Variants in MCPH1 observed in about 807,000 individuals in gnomAD.
MCPH1 encodes the protein microcephalin.
Under a neutral mutation model 84.5 loss-of-function variants are expected in MCPH1, and 104 were observed. The ratio of observed to expected loss-of-function variants is 1.23; its 90% CI spans 1.05 to 1.45. The LOEUF (loss-of-function observed/expected upper bound fraction) is 1.45, where lower values mean the gene tolerates loss of function less well. Ranked by LOEUF, MCPH1 falls within the 40% of genes most tolerant of loss-of-function variation. MCPH1 has a pLI of 0.00. For missense variants in MCPH1, 1,498 were observed against 1,005.7 expected (o/e 1.49, Z -6.62); for synonymous variants, 514 against 366.8 (o/e 1.40, Z -4.58).
chr8:6,637,468 G>T (rs1276204323), intron 13 of MCPH1, among the ~76,000 whole-genome samples: 1 of 152,158 alleles, frequency 6.6e-6, no homozygotes, highest in Non-Finnish European at 1.5e-5. Flanking sequence ...GAAATGAAGG[G>T]AGAGAAGACA....
At chr8:6,583,995 G>C (rs17077606) in intron 12 of MCPH1, among the ~76,000 whole-genome samples, 1 of 151,588 alleles carries the variant, frequency 6.6e-6, no homozygotes, top group Non-Finnish European at 1.5e-5. Context: ...ATTGTGCTTC[G>C]AAACTCCCAC....
At chr8:6,609,373 G>C (rs534393704) in intron 12 of MCPH1, among the ~76,000 whole-genome samples, 29 of 152,266 alleles carry the variant, frequency 1.9e-4, no homozygotes, top group Admixed American at 5.9e-4. Flanking sequence ...AAAACTATGA[G>C]GCATGAAATC....
intron 12 of MCPH1, among the ~76,000 whole-genome samples, chr8:6,520,907 C>T (rs1817210399): frequency 6.6e-6 from 1 of 152,126 alleles, no homozygotes; most frequent in Non-Finnish European, 1.5e-5. Context: ...AGTAATTTGC[C>T]CAGTCTCATC....
chr8:6,607,192 C>A (rs1375283815), intron 12 of MCPH1, among the ~76,000 whole-genome samples: 1 of 152,154 alleles, frequency 6.6e-6, no homozygotes. Flanking sequence ...TTGGGAGAGT[C>A]TTTCCCAATA....
At position 6,449,137 on chromosome 8, in the gene MCPH1, A is replaced by T. The variant is rs185089381; in HGVS notation, c.1825+3590A>T. ...CACTTTTGAAAATATCTTTTCACAC[A>T]GACAGATACTGCTGATTCGATGTCA... On this transcript the variant is annotated intron_variant, in intron 8 of 13. Coordinates refer to ENST00000344683, the MANE Select transcript of MCPH1 (RefSeq NM_024596.5). Among the ~76,000 whole-genome samples the T allele has an allele frequency of 5.1e-4, 78 of 152,352 alleles. 1 individual carries two copies. The South Asian group carries it at 6.6e-3, about 13-fold the overall frequency.
chr8:6,492,727 T>C (rs1810773941), intron 11 of MCPH1, among the ~76,000 whole-genome samples: 1 of 99,624 alleles, frequency 1.0e-5, no homozygotes, highest in Non-Finnish European at 2.4e-5. Flanking sequence ...TATTAAATTA[T>C]CAAATAAATA....
At chr8:6,579,748 C>G (rs559833808) in intron 12 of MCPH1, among the ~76,000 whole-genome samples, 1 of 152,220 alleles carries the variant, frequency 6.6e-6, no homozygotes, top group African/African-American at 2.4e-5. Flanking sequence ...CTTTACAGCC[C>G]CAAAGCACGT....
intron 12 of MCPH1, among the ~76,000 whole-genome samples, chr8:6,510,133 G>C (rs1814722350): frequency 6.6e-6 from 1 of 150,982 alleles, no homozygotes; most frequent in African/African-American, 2.4e-5. Flanking sequence ...GAAGGGAGAA[G>C]ACAATATTTT....
intron 12 of MCPH1, among the ~76,000 whole-genome samples, chr8:6,591,253 A>G (rs989297522): frequency 2.0e-5 from 3 of 152,224 alleles, no homozygotes; most frequent in African/African-American, 7.2e-5. Flanking sequence ...TGAGTAGTTA[A>G]AATCACTGTC....
intron 3 of MCPH1, among the ~76,000 whole-genome samples, chr8:6,428,793 T>C (rs1354747867): frequency 3.3e-5 from 5 of 152,252 alleles, no homozygotes; most frequent in African/African-American, 1.2e-4. Context: ...TTACAAGGCT[T>C]ATCATGAAAA....
chr8:6,521,556 T>C (rs1319021993), intron 12 of MCPH1: 1 of 636,212 alleles, frequency 1.6e-6, no homozygotes. Flanking sequence ...CTAAGGAATC[T>C]CTGAAACTTG....
chr8:6,598,153 C>T lies in MCPH1; in HGVS notation c.2215-23301C>T, dbSNP rs7819032. 2.0e-5 allele frequency among the ~76,000 whole-genome samples: 3 copies of T among 152,082 alleles called. No individual in the cohort carries two copies. The South Asian group carries it at 6.2e-4, about 32-fold the overall frequency. On this transcript the variant is annotated intron_variant, in intron 12 of 13. Transcript: ENST00000344683. Reference sequence around the variant, plus strand: ...GAGGCAGGAAGGAGGAAAGGGGATGCTTCTGGGAGGCAAAGGCGGTCAATC... The same window carrying T: ...GAGGCAGGAAGGAGGAAAGGGGATGTTTCTGGGAGGCAAAGGCGGTCAATC...
chr8:6,558,482 C>G (rs1178625696), intron 12 of MCPH1, among the ~76,000 whole-genome samples: 1 of 152,176 alleles, frequency 6.6e-6, no homozygotes, highest in East Asian at 1.9e-4. Flanking sequence ...CCAGACCATC[C>G]TGAGCATCTG....
chr8:6,467,766 T>G (rs900539539), intron 9 of MCPH1, among the ~76,000 whole-genome samples: 5 of 152,100 alleles, frequency 3.3e-5, no homozygotes, highest in Non-Finnish European at 5.9e-5. Flanking sequence ...TCAGCTAATT[T>G]TTTTTGTTTG....
intron 9 of MCPH1, among the ~76,000 whole-genome samples, chr8:6,467,568 T>A (rs1236508172): frequency 1.3e-5 from 2 of 152,174 alleles, no homozygotes; most frequent in African/African-American, 2.4e-5. Context: ...TGAAACAGTT[T>A]ACAGGGTTGA....
intron 8 of MCPH1, chr8:6,447,137 G>T: frequency 1.0e-6 from 1 of 985,426 alleles, no homozygotes. Flanking sequence ...GACATAAAAA[G>T]ACCTACATGT....
intron 2 of MCPH1, among the ~76,000 whole-genome samples, chr8:6,409,819 A>G (rs1033589175): frequency 1.3e-5 from 2 of 152,210 alleles, no homozygotes; most frequent in South Asian, 2.1e-4. Flanking sequence ...AGGTGTGGAC[A>G]TCGTCCCATG....
intron 12 of MCPH1, among the ~76,000 whole-genome samples, chr8:6,609,296 C>T (rs1005399546): frequency 4.6e-5 from 7 of 152,198 alleles, no homozygotes; most frequent in Non-Finnish European, 7.3e-5. Flanking sequence ...AGAGCATGAG[C>T]GTGTGCCCAC....
chr8:6,457,926 G>T (rs1805874351), intron 9 of MCPH1, among the ~76,000 whole-genome samples: 1 of 152,090 alleles, frequency 6.6e-6, no homozygotes, highest in African/African-American at 2.4e-5. Context: ...CTGGGGATCT[G>T]TAAGGTTTGT....
Sources: gnomAD v4.1 joint callset for allele counts (sites outside exome capture counted in the v4.1 genomes callset) on GRCh38, gnomAD v4.1.1 for gene constraint, MANE v1.5 for transcripts, NCBI Gene and HGNC (gene_info 2026-07-23, HGNC 2026-07-21) for gene names.